Variants in KIAA1671 observed in about 807,000 individuals in gnomAD.
KIAA1671 encodes the protein uncharacterized protein KIAA1671.
Under a neutral mutation model 131.2 loss-of-function variants are expected in KIAA1671, and 52 were observed. The ratio of observed to expected loss-of-function variants is 0.40; its 90% confidence interval spans 0.32 to 0.50. KIAA1671 has a LOEUF of 0.50. KIAA1671 is among the 20% of genes least tolerant of loss of function. KIAA1671 has a pLI of 0.73. For synonymous variants in KIAA1671, 1,003 were observed against 961.6 expected (o/e 1.04, Z -0.80); for missense variants, 2,360 against 2,364.2 (o/e 1.00, Z 0.04).
intron 6 of KIAA1671, among the ~76,000 whole-genome samples, chr22:25,141,239 T>C (rs888602956): frequency 6.6e-6 from 1 of 152,130 alleles, no homozygotes; most frequent in Non-Finnish European, 1.5e-5. Context: ...TTTTTGTTTT[T>C]TGTTTTTTTT....
chr22:24,973,372 C>T (rs1922730646), intron 1 of KIAA1671, among the ~76,000 whole-genome samples: 1 of 148,772 alleles, frequency 6.7e-6, no homozygotes, highest in Non-Finnish European at 1.5e-5. Flanking sequence ...AGTACAGACC[C>T]CAAACTGCAT....
chr22:25,009,086 A>T (rs541814794), intron 1 of KIAA1671, among the ~76,000 whole-genome samples: 1 of 152,078 alleles, frequency 6.6e-6, no homozygotes, highest in Non-Finnish European at 1.5e-5. Context: ...TGGAAACGGG[A>T]ATGTGGAGTG....
intron 1 of KIAA1671, among the ~76,000 whole-genome samples, chr22:24,960,508 C>T (rs1921957437): frequency 6.9e-6 from 1 of 144,086 alleles, no homozygotes; most frequent in Non-Finnish European, 1.5e-5. Flanking sequence ...GATCGCGCCA[C>T]TGCACTTTAG....
chr22:25,133,903 C>T (rs1189478192), intron 6 of KIAA1671, among the ~76,000 whole-genome samples: 1 of 152,174 alleles, frequency 6.6e-6, no homozygotes, highest in Non-Finnish European at 1.5e-5. Context: ...GTATACATCA[C>T]CCTCAGTCTA....
chr22:25,136,709 C>T (rs1031707310), intron 6 of KIAA1671, among the ~76,000 whole-genome samples: 2 of 152,166 alleles, frequency 1.3e-5, no homozygotes, highest in African/African-American at 4.8e-5. Context: ...GTCTGTGTAT[C>T]CTGGAGGAGA....
At chr22:25,128,903 C>T (rs189456767) in intron 6 of KIAA1671, among the ~76,000 whole-genome samples, 19 of 152,194 alleles carry the variant, frequency 1.2e-4, no homozygotes, top group Non-Finnish European at 2.6e-4. Context: ...GCTAACCTAC[C>T]CCTGTCAAGC....
intron 1 of KIAA1671, among the ~76,000 whole-genome samples, chr22:25,007,564 A>G (rs935982190): frequency 1.3e-5 from 2 of 151,636 alleles, no homozygotes; most frequent in African/African-American, 4.8e-5. Flanking sequence ...TGGGGCTCAG[A>G]CTCTGGACCA....
At chr22:24,953,115 G>T (rs951387109) in intron 1 of KIAA1671, among the ~76,000 whole-genome samples, 1 of 152,132 alleles carries the variant, frequency 6.6e-6, no homozygotes, top group African/African-American at 2.4e-5. Flanking sequence ...GAGGGGATCG[G>T]GCGCTGGAGG....
At chr22:24,973,402 T>TTG (rs1569195678) in intron 1 of KIAA1671, among the ~76,000 whole-genome samples, 1 of 136,964 alleles carries the variant, frequency 7.3e-6, no homozygotes, top group African/African-American at 2.7e-5. Flanking sequence ...TTTTTTTTTT[T>TTG]TTTTTTTTTT....
At chr22:24,986,228 G>A (rs997922711) in intron 1 of KIAA1671, among the ~76,000 whole-genome samples, 3 of 152,156 alleles carry the variant, frequency 2.0e-5, no homozygotes, top group Non-Finnish European at 4.4e-5. Context: ...GCCACCCTAA[G>A]GGATGACGCT....
chr22:25,189,068 T>C (rs4822567), intron 11 of KIAA1671, among the ~76,000 whole-genome samples: 49,517 of 151,370 alleles, frequency 0.33, 8,476 homozygotes, highest in East Asian at 0.48. Context: ...GCTGGGGATG[T>C]GAGGAAGTGT....
chr22:25,029,234 A>G lies in KIAA1671; in HGVS notation c.1235A>G (p.Glu412Gly). The G allele has an allele frequency of 6.8e-7, 1 of 1,474,936 alleles. No homozygotes were observed. The highest frequency in any genetic ancestry group is 9.0e-7 in the Non-Finnish European group (1 of 1,108,294). 91.4% of individuals were successfully genotyped at this position (1,474,936 alleles called of 1,614,324 possible). A position where few individuals can be genotyped will look rare whatever the true frequency, so the allele number is the denominator to read the frequency against. Residue 412 changes from glutamate (E) to glycine (G), a missense_variant, in exon 3 of 13, where the codon GAA (glutamate) becomes GGA (glycine). By Grantham distance (98) the Glu-to-Gly change is moderately conservative. Coordinates refer to ENST00000358431, the MANE Select transcript of KIAA1671 (RefSeq NM_001145206.2). Reference protein sequence around the residue: ...SPSPRLGRGLELAEVKSRVAD... With the variant: ...SPSPRLGRGLGLAEVKSRVAD... ...TCACCCAGGCTGGGAAGGGGCCTAG[A>G]ACTTGCTGAGGTTAAGAGCAGAGTG...
chr22:25,181,643 A>C, intron 9 of KIAA1671, 56 bp from the exon 10 acceptor site: 2 of 1,546,318 alleles, frequency 1.3e-6, no homozygotes, highest in Non-Finnish European at 1.7e-6. Flanking sequence ...TCTGGCATGT[A>C]GGACCTCAAT....
At chr22:25,157,465 A>G (rs1933282213) in intron 6 of KIAA1671, among the ~76,000 whole-genome samples, 1 of 152,082 alleles carries the variant, frequency 6.6e-6, no homozygotes. Context: ...CTTTTTAACT[A>G]TTCTTTCTAA....
At chr22:25,166,366 T>C (rs929024536) in intron 6 of KIAA1671, among the ~76,000 whole-genome samples, 1 of 152,156 alleles carries the variant, frequency 6.6e-6, no homozygotes, top group Non-Finnish European at 1.5e-5. Context: ...ACACAGATGG[T>C]TGTATAAAGG....
chr22:24,979,845 G>T (rs73395635), intron 1 of KIAA1671, among the ~76,000 whole-genome samples: 1 of 152,014 alleles, frequency 6.6e-6, no homozygotes, highest in African/African-American at 2.4e-5. Flanking sequence ...CTATGAATTT[G>T]ACTACTTTAG....
At position 25,174,417 on chromosome 22, in the gene KIAA1671, C is replaced by T. The variant is rs537730197; in HGVS notation, c.4827C>T (p.Thr1609=). Residue 1609 remains threonine (T), a synonymous_variant, in exon 8 of 13, where the codon ACC becomes ACT. Transcript: ENST00000358431. Reference sequence around the variant, plus strand: ...ACTCCAGCACTGACCTGGAATCCACCGATGGGATGGAGGGGCCGCCTCCAC... The same window carrying T: ...ACTCCAGCACTGACCTGGAATCCACTGATGGGATGGAGGGGCCGCCTCCAC... ...VDHSSTDLES[T]DGMEGPPPPD... 1.9e-5 allele frequency: 29 copies of T among 1,550,410 alleles called. No homozygotes were observed. Among genetic ancestry groups the T allele is most frequent in the South Asian group, 9.5e-5 (8 of 83,998 alleles).
At chr22:25,133,431 G>T (rs533719956) in intron 6 of KIAA1671, among the ~76,000 whole-genome samples, 20 of 152,288 alleles carry the variant, frequency 1.3e-4, no homozygotes, top group African/African-American at 4.8e-4. Flanking sequence ...CTTCAAATGG[G>T]CCTGGTCATT....
rs1045035513 is a variant in KIAA1671 at position 25,093,782 on chromosome 22, C to G, written c.4530+44418C>G. 3.4e-4 allele frequency among the ~76,000 whole-genome samples: 43 copies of G among 127,022 alleles called. 1 individual carries two copies. The highest frequency in any genetic ancestry group is 9.9e-4 in the African/African-American group (31 of 31,342). 83.3% of individuals were successfully genotyped at this position (127,022 alleles called of 152,430 possible). A position where few individuals can be genotyped will look rare whatever the true frequency, so the allele number is the denominator to read the frequency against. ...TCTCTCTCTCTGTCTCTCTCTCTCT[C>G]TCTCTCTCTCTCTCTCTCTCTCTCT... is the stretch of plus-strand genomic sequence containing the variant. On this transcript the variant is annotated intron_variant, in intron 6 of 12. Transcript: ENST00000358431.
Sources: gnomAD v4.1 joint callset for allele counts (sites outside exome capture counted in the v4.1 genomes callset) on GRCh38, gnomAD v4.1.1 for gene constraint, MANE v1.5 for transcripts, NCBI Gene and HGNC (gene_info 2026-07-23, HGNC 2026-07-21) for gene names.